LRRTM4: variants seen among roughly 807,000 people sequenced by gnomAD.
The protein encoded by LRRTM4 is leucine-rich repeat transmembrane neuronal protein 4.
LRRTM4 carries 25 observed loss-of-function variants against 47.6 expected under a neutral mutation model. The ratio of observed to expected loss-of-function variants is 0.53; its 90% CI spans 0.38 to 0.73. The LOEUF (loss-of-function observed/expected upper bound fraction) is 0.73, where lower values mean the gene tolerates loss of function less well. LRRTM4 is among the 30% of genes least tolerant of loss of function. The pLI is 0.00. For synonymous variants in LRRTM4, 311 were observed against 269.5 expected (o/e 1.15, Z -1.51); for missense variants, 638 against 713.4 (o/e 0.89, Z 1.20).
At chr2:77,055,331 C>T (rs559013437) in intron 3 of LRRTM4, among the ~76,000 whole-genome samples, 5 of 152,326 alleles carry the variant, frequency 3.3e-5, no homozygotes, top group Admixed American at 3.3e-4. Context: ...CAGCCTTGCT[C>T]TTTCTGGGCA....
intron 3 of LRRTM4, among the ~76,000 whole-genome samples, chr2:77,191,989 A>C (rs1247340342): frequency 1.3e-5 from 2 of 152,204 alleles, no homozygotes; most frequent in East Asian, 3.9e-4. Context: ...AAAGACATCC[A>C]ACTAGTAAAT....
intron 3 of LRRTM4, among the ~76,000 whole-genome samples, chr2:77,172,626 T>A (rs1199273498): frequency 6.6e-6 from 1 of 151,632 alleles, no homozygotes; most frequent in Non-Finnish European, 1.5e-5. Context: ...AATAAATAAA[T>A]AAAGTGCTAA....
At chr2:77,012,873 C>T (rs1031042819) in intron 3 of LRRTM4, among the ~76,000 whole-genome samples, 9 of 152,266 alleles carry the variant, frequency 5.9e-5, no homozygotes, top group South Asian at 2.1e-4. Flanking sequence ...TTTGTAATTA[C>T]TACCTAAAAT....
intron 3 of LRRTM4, among the ~76,000 whole-genome samples, chr2:76,773,676 A>C (rs1004308180): frequency 4.0e-5 from 6 of 151,786 alleles, no homozygotes; most frequent in Non-Finnish European, 8.8e-5. Flanking sequence ...AATAAATTTA[A>C]AATTTCCTAA....
intron 3 of LRRTM4, among the ~76,000 whole-genome samples, chr2:76,873,421 A>G (rs1260020793): frequency 1.3e-5 from 2 of 149,886 alleles, no homozygotes; most frequent in East Asian, 3.9e-4. Flanking sequence ...TAATGTGTGT[A>G]TATGTATACA....
At chr2:77,435,562 G>C (rs1675557125) in intron 3 of LRRTM4, among the ~76,000 whole-genome samples, 1 of 152,036 alleles carries the variant, frequency 6.6e-6, no homozygotes, top group African/African-American at 2.4e-5. Flanking sequence ...GTCATGCAAA[G>C]TCATACCGAA....
chr2:76,906,962 C>A (rs1489603326), intron 3 of LRRTM4, among the ~76,000 whole-genome samples: 1 of 151,798 alleles, frequency 6.6e-6, no homozygotes, highest in African/African-American at 2.4e-5. Context: ...AACAAGGATA[C>A]CCAGGAATTG....
intron 3 of LRRTM4, among the ~76,000 whole-genome samples, chr2:76,873,488 GTGTGTATATATA>G (rs1558705677): frequency 1.6e-5 from 2 of 125,370 alleles, no homozygotes; most frequent in East Asian, 4.7e-4. Context: ...ATATATGTGT[GTGTGTATATATA>G]TGTGTGTATA....
At chr2:77,055,575 C>T (rs993713654) in intron 3 of LRRTM4, among the ~76,000 whole-genome samples, 2 of 152,116 alleles carry the variant, frequency 1.3e-5, no homozygotes, top group Non-Finnish European at 2.9e-5. Context: ...AATAGGAACA[C>T]TTTTACACTG....
intron 3 of LRRTM4, among the ~76,000 whole-genome samples, chr2:77,149,475 G>A (rs998400296): frequency 6.6e-6 from 1 of 152,108 alleles, no homozygotes; most frequent in Non-Finnish European, 1.5e-5. Flanking sequence ...AAAGGCTCCC[G>A]AGGTTCTCTT....
intron 3 of LRRTM4, among the ~76,000 whole-genome samples, chr2:77,004,259 T>TA (rs1302212985): frequency 6.6e-6 from 1 of 152,126 alleles, no homozygotes; most frequent in Non-Finnish European, 1.5e-5. Flanking sequence ...CTCAGACGCC[T>TA]AGGAGGGAAA....
intron 3 of LRRTM4, among the ~76,000 whole-genome samples, chr2:77,043,912 T>C (rs1050707957): frequency 1.8e-5 from 2 of 113,688 alleles, no homozygotes; most frequent in African/African-American, 7.3e-5. Context: ...GGTAAAAACA[T>C]TTTTTTTTTT....
intron 3 of LRRTM4, among the ~76,000 whole-genome samples, chr2:77,497,480 T>A (rs11685687): frequency 0.052 from 7,851 of 151,490 alleles, 251 homozygotes; most frequent in Middle Eastern, 0.096. Context: ...GCTATTGTTT[T>A]ATGGGACTCT....
chr2:76,863,773 T>C (rs947713212), intron 3 of LRRTM4, among the ~76,000 whole-genome samples: 16 of 152,188 alleles, frequency 1.1e-4, no homozygotes, highest in South Asian at 4.1e-4. Context: ...TTTTTACATG[T>C]TTATTACCAG....
chr2:77,433,651 C>T (rs191168099), intron 3 of LRRTM4, among the ~76,000 whole-genome samples: 104 of 152,156 alleles, frequency 6.8e-4, no homozygotes, highest in African/African-American at 2.4e-3. Flanking sequence ...GACCTTAGGC[C>T]ATTTTACCAC....
intron 3 of LRRTM4, among the ~76,000 whole-genome samples, chr2:77,328,002 G>A (rs1189403967): frequency 1.3e-5 from 2 of 152,058 alleles, no homozygotes; most frequent in East Asian, 1.9e-4. Flanking sequence ...AGGGTCCTTC[G>A]TGGATTTGTC....
At chr2:76,932,732 A>G (rs1006843388) in intron 3 of LRRTM4, among the ~76,000 whole-genome samples, 14 of 152,022 alleles carry the variant, frequency 9.2e-5, no homozygotes, top group Non-Finnish European at 2.9e-5. Context: ...ATAGACACAC[A>G]TGTGTTCTCT....
chr2:77,081,839 T>C (rs1680544768), intron 3 of LRRTM4, among the ~76,000 whole-genome samples: 1 of 152,160 alleles, frequency 6.6e-6, no homozygotes, highest in Admixed American at 6.5e-5. Flanking sequence ...ATCAGATCAT[T>C]CCTGGAAGCA....
intron 3 of LRRTM4, among the ~76,000 whole-genome samples, chr2:77,336,936 T>C (rs1671189636): frequency 6.6e-6 from 1 of 152,122 alleles, no homozygotes; most frequent in South Asian, 2.1e-4. Context: ...TATGTGTCTC[T>C]TTTCAGATGG....
Sources: gnomAD v4.1 joint callset for allele counts (sites outside exome capture counted in the v4.1 genomes callset) on GRCh38, gnomAD v4.1.1 for gene constraint, MANE v1.5 for transcripts, NCBI Gene and HGNC (gene_info 2026-07-23, HGNC 2026-07-21) for gene names.